The following FREM1 variants were observed in gnomAD, a reference collection of about 807,000 sequenced individuals.
The protein encoded by FREM1 is FRAS1 related extracellular matrix 1, also known as FRAS1-related extracellular matrix protein 1.
A neutral mutation model predicts 210.1 loss-of-function variants in FREM1; 220 were observed. That is an observed-to-expected ratio of 1.05 (90% CI 0.94 to 1.17). The LOEUF is 1.17. Ranked by LOEUF, FREM1 falls within the 50% of genes most tolerant of loss-of-function variation. FREM1 has a pLI of 0.00. For synonymous variants in FREM1, 1,189 were observed against 980.2 expected (o/e 1.21, Z -3.98); for missense variants, 3,454 against 2,675.5 (o/e 1.29, Z -6.42).
intron 13 of FREM1, among the ~76,000 whole-genome samples, chr9:14,820,790 CT>C (rs1173769927): frequency 6.6e-6 from 1 of 152,204 alleles, no homozygotes; most frequent in Non-Finnish European, 1.5e-5. Context: ...CTCACTTTCA[CT>C]TTGCTAAACC....
intron 25 of FREM1, among the ~76,000 whole-genome samples, chr9:14,772,825 C>A (rs1234834320): frequency 6.6e-6 from 1 of 152,078 alleles, no homozygotes; most frequent in Non-Finnish European, 1.5e-5. Context: ...TAAGAAATAC[C>A]CAGAGTTGAT....
intron 3 of FREM1, among the ~76,000 whole-genome samples, chr9:14,861,176 C>T (rs1245917811): frequency 1.6e-5 from 2 of 124,670 alleles, no homozygotes; most frequent in African/African-American, 3.4e-5. Context: ...CATGTATGTA[C>T]ATATATACAC....
intron 21 of FREM1, among the ~76,000 whole-genome samples, chr9:14,794,226 G>C (rs1355004655): frequency 6.6e-6 from 1 of 152,170 alleles, no homozygotes; most frequent in Non-Finnish European, 1.5e-5. Context: ...GAGGGAGTAG[G>C]AGAGAAAGGG....
intron 25 of FREM1, among the ~76,000 whole-genome samples, chr9:14,775,507 A>C (rs1232857998): frequency 3.3e-5 from 5 of 152,026 alleles, no homozygotes; most frequent in African/African-American, 1.2e-4. Flanking sequence ...GGAGTTCGCC[A>C]CCAGCCTGAC....
intron 1 of FREM1, among the ~76,000 whole-genome samples, chr9:14,883,596 TCTGAAGCAAA>T (rs1835211804): frequency 6.6e-6 from 1 of 152,048 alleles, no homozygotes; most frequent in African/African-American, 2.4e-5. Context: ...AAAGCAAAAT[TCTGAAGCAAA>T]CAAGATTTCA....
At chr9:14,773,454 G>C (rs1362430540) in intron 25 of FREM1, among the ~76,000 whole-genome samples, 1 of 152,110 alleles carries the variant, frequency 6.6e-6, no homozygotes, top group African/African-American at 2.4e-5. Context: ...AGCTCTTGAA[G>C]GCAAGACACT....
At position 14,737,606 on chromosome 9, in the gene FREM1, C is replaced by T; in HGVS notation, c.6341-11G>A. On this transcript the variant is annotated splice_polypyrimidine_tract_variant and intron_variant, in intron 36 of 36. Transcript: ENST00000380880. ...CTTGGTCGTTCAAACCTAATGTGAA[C>T]CAAAAGAATGTACCAATTACTTTTA... 6.6e-7 allele frequency: 1 copy of T among 1,504,676 alleles called. No individual in the cohort carries two copies. The highest frequency in any genetic ancestry group is 8.9e-7 in the Non-Finnish European group (1 of 1,126,760). 93.2% of individuals were successfully genotyped at this position (1,504,676 alleles called of 1,614,324 possible). A position where few individuals can be genotyped will look rare whatever the true frequency, so the allele number is the denominator to read the frequency against.
At position 14,819,385 on chromosome 9, in the gene FREM1, G is replaced by A. The variant is rs1257455196; in HGVS notation, c.2395C>T (p.His799Tyr). 34 of 1,613,464 alleles carry A rather than the reference G, an allele frequency of 2.1e-5. No individual in the cohort carries two copies. The highest frequency in any genetic ancestry group is 2.9e-5 in the Non-Finnish European group (34 of 1,179,508). ...GTATCTGCATCAGAAATTAGAATGT[G>A]CTCTGTGCTGATGATGCTTTGACCT... ...EGGQSIISTEHILISDADTKL... is the reference protein window; with the variant it reads ...EGGQSIISTEYILISDADTKL... Residue 799 changes from histidine to tyrosine, a missense_variant, in exon 14 of 37, where the codon CAC becomes TAC. By Grantham distance (83) the His-to-Tyr change is moderately conservative (BLOSUM62 2). Coordinates refer to ENST00000380880, the MANE Select transcript of FREM1 (RefSeq NM_001379081.2).
chr9:14,860,328 G>A (rs79710995), intron 3 of FREM1, among the ~76,000 whole-genome samples: 1,712 of 151,832 alleles, frequency 0.011, 35 homozygotes, highest in African/African-American at 0.039. Flanking sequence ...GTTTTCTGCT[G>A]CCTACTCCCC....
At chr9:14,871,881 T>C (rs1832746568) in intron 1 of FREM1, among the ~76,000 whole-genome samples, 1 of 152,218 alleles carries the variant, frequency 6.6e-6, no homozygotes, top group East Asian at 1.9e-4. Context: ...TTTGTACATA[T>C]GGCTAGCCAG....
intron 29 of FREM1, among the ~76,000 whole-genome samples, chr9:14,755,678 G>C (rs1406563915): frequency 6.6e-6 from 1 of 152,182 alleles, no homozygotes; most frequent in African/African-American, 2.4e-5. Flanking sequence ...TCATCCTGGA[G>C]TTTTCTTCTT....
chr9:14,848,734 C>T lies in FREM1; in HGVS notation c.1192G>A (p.Ala398Thr), dbSNP rs1478594486. Residue 398 changes from alanine (A) to threonine (T), a missense_variant, in exon 7 of 37, where the codon GCA becomes ACA. Ala to Thr is a moderately conservative substitution (Grantham distance 58). Transcript: ENST00000380880. ...ATGGAGATGTGGACTGTCATAGGTG[C>T]ACTCCTTTCAAAGAAGAAGTCGTAT... ...EVYDFFFERS[A>T]PMTVHISIRT... is the part of the protein sequence containing the mutation. The T allele has an allele frequency of 1.2e-6, 2 of 1,612,986 alleles. No individual in the cohort carries two copies. The highest frequency in any genetic ancestry group is 1.7e-6 in the Non-Finnish European group (2 of 1,179,158).
At chr9:14,761,958 A>T (rs969039172) in intron 27 of FREM1, among the ~76,000 whole-genome samples, 1 of 152,232 alleles carries the variant, frequency 6.6e-6, no homozygotes, top group African/African-American at 2.4e-5. Context: ...CCTAGCTTGT[A>T]CATTAAACTT....
At chr9:14,746,898 C>G in intron 34 of FREM1, 25 bp downstream of exon 34, 2 of 1,609,144 alleles carry the variant, frequency 1.2e-6, no homozygotes, top group Non-Finnish European at 1.7e-6. Context: ...AATAAAGGTG[C>G]TTGGCTGCTC....
chr9:14,815,804 T>C (rs565932825), intron 15 of FREM1, among the ~76,000 whole-genome samples: 1 of 152,258 alleles, frequency 6.6e-6, no homozygotes, highest in South Asian at 2.1e-4. Context: ...CAAGCCACTA[T>C]GCCCAGATAA....
At chr9:14,790,963 G>C (rs1851197460) in intron 22 of FREM1, 1 of 152,200 alleles carries the variant, frequency 6.6e-6, no homozygotes, top group Admixed American at 6.5e-5. Flanking sequence ...TCTTCACTCT[G>C]ATTCTCTATG....
At chr9:14,821,118 T>C (rs1319828804) in intron 13 of FREM1, among the ~76,000 whole-genome samples, 2 of 152,204 alleles carry the variant, frequency 1.3e-5, no homozygotes, top group Admixed American at 1.3e-4. Flanking sequence ...CAGGTTAGCA[T>C]GGTGTCAACA....
At chr9:14,769,528 A>G (rs1257516994) in intron 27 of FREM1, among the ~76,000 whole-genome samples, 196 bp downstream of exon 27, 2 of 152,222 alleles carry the variant, frequency 1.3e-5, no homozygotes, top group Non-Finnish European at 2.9e-5. Flanking sequence ...TGTACTCTGT[A>G]AAGCTACTGG....
chr9:14,875,564 T>C (rs542695065), intron 1 of FREM1, among the ~76,000 whole-genome samples: 32 of 152,338 alleles, frequency 2.1e-4, no homozygotes, highest in African/African-American at 7.5e-4. Flanking sequence ...GTTATTCTAG[T>C]TACACATTCG....
Sources: gnomAD v4.1 joint callset for allele counts (sites outside exome capture counted in the v4.1 genomes callset) on GRCh38, gnomAD v4.1.1 for gene constraint, MANE v1.5 for transcripts, NCBI Gene and HGNC (gene_info 2026-07-23, HGNC 2026-07-21) for gene names.